The following LYPD6 variants were observed in gnomAD, a reference collection of about 807,000 sequenced individuals.
The protein encoded by LYPD6 is ly6/PLAUR domain-containing protein 6.
LYPD6 carries 15 observed loss-of-function variants against 22.7 expected under a neutral mutation model. The ratio of observed to expected loss-of-function variants is 0.66; its 90% CI spans 0.44 to 1.02. The LOEUF (loss-of-function observed/expected upper bound fraction) is 1.02, where lower values mean the gene tolerates loss of function less well. Ranked by LOEUF, LYPD6 falls within the 50% of genes least tolerant of loss-of-function variation. The pLI is 0.00. For synonymous variants in LYPD6, 72 were observed against 77.5 expected, an observed-to-expected ratio of 0.93 and a Z score of 0.37; for missense variants, 189 against 208.4, an observed-to-expected ratio of 0.91 and a Z score of 0.57.
chr2:149,413,690 G>A (rs548548775), intron 1 of LYPD6, among the ~76,000 whole-genome samples: 62 of 152,240 alleles, frequency 4.1e-4, no homozygotes, highest in Non-Finnish European at 8.4e-4. Context: ...CACTGACATG[G>A]AGCAGTTTCA....
Position 149,437,672 on chromosome 2 carries a change from T to G in LYPD6, c.-37T>G, listed in dbSNP as rs1260593959. ...CTCTCCTGTTGCCCTGAGTGCCCAC[T>G]CCCAGGCCCTCTGTATGAGTGACAC... On this transcript the variant is annotated 5_prime_UTR_variant, in exon 2 of 5. Transcript: ENST00000334166. The G allele has an allele frequency of 6.2e-7, 1 of 1,611,306 alleles. No homozygotes were observed. The highest frequency in any genetic ancestry group is 8.5e-7 in the Non-Finnish European group (1 of 1,178,424).
At chr2:149,331,716 G>A (rs1214868208) in intron 1 of LYPD6, among the ~76,000 whole-genome samples, 1 of 152,140 alleles carries the variant, frequency 6.6e-6, no homozygotes, top group Non-Finnish European at 1.5e-5. Flanking sequence ...CAGAGCATAT[G>A]ACAAAAAGAA....
chr2:149,357,991 G>A (rs1267477060), intron 1 of LYPD6, among the ~76,000 whole-genome samples: 3 of 151,980 alleles, frequency 2.0e-5, no homozygotes, highest in Admixed American at 6.5e-5. Flanking sequence ...TTACCATGTT[G>A]TCCAGGCTGG....
chr2:149,389,180 C>T (rs1014573163), intron 1 of LYPD6, among the ~76,000 whole-genome samples: 1 of 152,088 alleles, frequency 6.6e-6, no homozygotes, highest in Non-Finnish European at 1.5e-5. Context: ...AATCACTTTT[C>T]TTAATTTCCA....
At chr2:149,356,477 A>G (rs976410252) in intron 1 of LYPD6, among the ~76,000 whole-genome samples, 3 of 152,206 alleles carry the variant, frequency 2.0e-5, no homozygotes, top group Non-Finnish European at 4.4e-5. Flanking sequence ...AAGTATGGCT[A>G]CTGGCCTCTT....
chr2:149,451,844 A>G (rs1680829302), intron 3 of LYPD6, among the ~76,000 whole-genome samples: 1 of 152,228 alleles, frequency 6.6e-6, no homozygotes, highest in African/African-American at 2.4e-5. Context: ...AGTGAAAGAT[A>G]GGAATCTGGT....
intron 1 of LYPD6, among the ~76,000 whole-genome samples, chr2:149,372,915 C>G (rs1019433565): frequency 6.6e-6 from 1 of 152,108 alleles, no homozygotes; most frequent in Non-Finnish European, 1.5e-5. Context: ...CCCATCATTC[C>G]CTAAGATTGC....
upstream of LYPD6, chr2:149,330,546 G>GCGCGCCCCTAGCCGCCCCC (rs1293129037): frequency 6.7e-6 from 1 of 150,046 alleles, no homozygotes; most frequent in Non-Finnish European, 1.5e-5. Context: ...GGAGTGGCGC[G>GCGCGCCCCTAGCCGCCCCC]CGCGCCCCTA....
intron 1 of LYPD6, among the ~76,000 whole-genome samples, chr2:149,428,663 C>T (rs1195218968): frequency 6.6e-6 from 1 of 152,130 alleles, no homozygotes; most frequent in African/African-American, 2.4e-5. Flanking sequence ...TAGGCTTAGC[C>T]ATGTAAGAAT....
intron 2 of LYPD6, chr2:149,440,576 A>G (rs1317630802): frequency 1.3e-5 from 2 of 152,108 alleles, no homozygotes; most frequent in Non-Finnish European, 2.9e-5. Context: ...TCAGGGTCCA[A>G]GTTCTCTTTA....
chr2:149,348,503 C>T (rs1472825793), intron 1 of LYPD6, among the ~76,000 whole-genome samples: 1 of 152,194 alleles, frequency 6.6e-6, no homozygotes, highest in African/African-American at 2.4e-5. Flanking sequence ...CTGAGGACCT[C>T]TGTGGGAAGA....
intron 3 of LYPD6, among the ~76,000 whole-genome samples, chr2:149,457,497 A>G (rs1322654718): frequency 6.6e-6 from 1 of 152,206 alleles, no homozygotes; most frequent in Non-Finnish European, 1.5e-5. Context: ...ATAATGTATA[A>G]TACAACAGTA....
chr2:149,355,066 T>C (rs1681426799), intron 1 of LYPD6, among the ~76,000 whole-genome samples: 1 of 152,214 alleles, frequency 6.6e-6, no homozygotes, highest in South Asian at 2.1e-4. Flanking sequence ...ATTAATTATA[T>C]TTTTCCTATG....
downstream of LYPD6, among the ~76,000 whole-genome samples, chr2:149,478,823 C>T (rs1422217300): frequency 6.6e-6 from 1 of 152,132 alleles, no homozygotes; most frequent in Admixed American, 6.5e-5. Context: ...GGGCACTTCA[C>T]CCCTGGTACT....
chr2:149,431,202 T>C (rs1378842281), intron 1 of LYPD6, among the ~76,000 whole-genome samples: 2 of 152,162 alleles, frequency 1.3e-5, no homozygotes, highest in Non-Finnish European at 2.9e-5. Flanking sequence ...TACTTCTTCA[T>C]AAAGAGAACC....
At chr2:149,452,025 G>T (rs904277965) in intron 3 of LYPD6, among the ~76,000 whole-genome samples, 1 of 152,188 alleles carries the variant, frequency 6.6e-6, no homozygotes, top group African/African-American at 2.4e-5. Context: ...AAAGCATCAC[G>T]TGCTGAGAAG....
chr2:149,340,131 A>C (rs918041325), intron 1 of LYPD6, among the ~76,000 whole-genome samples: 1 of 152,182 alleles, frequency 6.6e-6, no homozygotes, highest in Non-Finnish European at 1.5e-5. Flanking sequence ...CAATGCAGTT[A>C]GTGTGTTTTT....
intron 1 of LYPD6, among the ~76,000 whole-genome samples, chr2:149,405,936 T>C (rs1253008791): frequency 6.7e-6 from 1 of 149,226 alleles, no homozygotes; most frequent in Admixed American, 6.7e-5. Flanking sequence ...ATGTTGTGTC[T>C]TTGTTCTCAT....
intron 1 of LYPD6, among the ~76,000 whole-genome samples, chr2:149,397,609 C>T (rs1285092955): frequency 6.6e-6 from 1 of 152,194 alleles, no homozygotes; most frequent in Non-Finnish European, 1.5e-5. Flanking sequence ...TAGAATCTGG[C>T]ACTGAATGAG....
Sources: allele counts gnomAD v4.1 joint callset (sites outside exome capture counted in the v4.1 genomes callset), GRCh38; gene constraint gnomAD v4.1.1; transcripts MANE v1.5; gene names NCBI Gene and HGNC (gene_info 2026-07-23, HGNC 2026-07-21).